The following ULK4 variants were observed in gnomAD, a reference collection of about 807,000 sequenced individuals.
ULK4 encodes inactive serine/threonine-protein kinase ULK4.
ULK4 carries 133 observed loss-of-function variants against 160.6 expected under a neutral mutation model. The observed-to-expected ratio is 0.83, with a 90% confidence interval of 0.72 to 0.96. The LOEUF (loss-of-function observed/expected upper bound fraction) is 0.96, where lower values mean the gene tolerates loss of function less well. Among genes scored for constraint, ULK4 ranks in the 40% least tolerant of loss-of-function variants. The pLI, the probability that ULK4 is intolerant of heterozygous loss-of-function variation, is 0.00. For missense variants in ULK4, 1,580 were observed against 1,499.5 expected (o/e 1.05, Z -0.89); for synonymous variants, 534 against 539.8 (o/e 0.99, Z 0.15).
At chr3:41,712,781 A>G (rs556538854) in intron 25 of ULK4, among the ~76,000 whole-genome samples, 1 of 152,290 alleles carries the variant, frequency 6.6e-6, no homozygotes, top group African/African-American at 2.4e-5. Context: ...AGTTCCAGCT[A>G]CATCTGAGGC....
At chr3:41,931,812 T>A in intron 5 of ULK4, 32 bp downstream of exon 5, 1 of 1,611,772 alleles carries the variant, frequency 6.2e-7, no homozygotes, top group Non-Finnish European at 8.5e-7. Flanking sequence ...ACAACTAGAG[T>A]TATGATCTTT....
At position 41,496,070 on chromosome 3, in the gene ULK4, G is replaced by GT. The variant is rs2084977363; in HGVS notation, c.3227-32818dup. 4.6e-5 allele frequency among the ~76,000 whole-genome samples: 7 copies of GT among 151,924 alleles called. No homozygotes were observed. The South Asian group carries it at 1.2e-3, about 27-fold the overall frequency. On this transcript the variant is annotated intron_variant, in intron 32 of 36. Coordinates refer to ENST00000301831, the MANE Select transcript of ULK4 (RefSeq NM_017886.4). Reference sequence around the variant, plus strand: ...AACAATAAAGTAGTATTTGTAAAACGTATCAAATTTGTAAACATATTAAAT... The same window carrying GT: ...AACAATAAAGTAGTATTTGTAAAACGTTATCAAATTTGTAAACATATTAAAT...
chr3:41,605,578 A>G (rs79444942), intron 31 of ULK4, among the ~76,000 whole-genome samples: 82 of 152,138 alleles, frequency 5.4e-4, no homozygotes, highest in African/African-American at 1.9e-3. Flanking sequence ...TAATTTTTAC[A>G]TGGAATAACA....
At chr3:41,521,268 C>T (rs888745366) in intron 32 of ULK4, among the ~76,000 whole-genome samples, 6 of 152,144 alleles carry the variant, frequency 3.9e-5, no homozygotes, top group African/African-American at 9.7e-5. Flanking sequence ...AGTAGGTTCC[C>T]GGTCCTTCTG....
intron 30 of ULK4, among the ~76,000 whole-genome samples, chr3:41,641,488 G>T (rs1258762611): frequency 6.6e-6 from 1 of 152,156 alleles, no homozygotes; most frequent in African/African-American, 2.4e-5. Context: ...CTTGAGCCCA[G>T]GAGTTCAAGA....
chr3:41,542,825 T>C (rs1356733150), intron 32 of ULK4, among the ~76,000 whole-genome samples: 1 of 152,150 alleles, frequency 6.6e-6, no homozygotes, highest in Admixed American at 6.5e-5. Context: ...TTTCTAGTAT[T>C]CTCTGATAGT....
intron 6 of ULK4, 97 bp from the exon 7 acceptor site, chr3:41,918,637 T>C (rs1275350758): frequency 4.6e-6 from 3 of 655,296 alleles, no homozygotes; most frequent in East Asian, 4.0e-5. Context: ...AGTCTTGCTC[T>C]GTCACCCAGG....
intron 17 of ULK4, among the ~76,000 whole-genome samples, chr3:41,839,623 AC>A (rs1034732277): frequency 1.4e-4 from 21 of 152,000 alleles, no homozygotes; most frequent in African/African-American, 5.1e-4. Context: ...ACTAACTATC[AC>A]AACTCACCCA....
intron 32 of ULK4, among the ~76,000 whole-genome samples, chr3:41,548,188 A>G (rs775651110): frequency 5.3e-5 from 8 of 152,146 alleles, no homozygotes; most frequent in Admixed American, 3.3e-4. Flanking sequence ...CACCATTAGA[A>G]AGTCTGAGGA....
chr3:41,743,134 A>G (rs553633255), intron 22 of ULK4, among the ~76,000 whole-genome samples: 45 of 152,012 alleles, frequency 3.0e-4, no homozygotes, highest in African/African-American at 1.0e-3. Flanking sequence ...ATCAAACTCC[A>G]AATAGGATTA....
At chr3:41,321,969 T>C (rs1205032585) in intron 35 of ULK4, among the ~76,000 whole-genome samples, 1 of 144,696 alleles carries the variant, frequency 6.9e-6, no homozygotes, top group Non-Finnish European at 1.5e-5. Context: ...CAAGTCATCC[T>C]CTTGGCCCTC....
intron 35 of ULK4, among the ~76,000 whole-genome samples, chr3:41,330,247 C>CT (rs1333385084): frequency 6.6e-6 from 1 of 152,206 alleles, no homozygotes; most frequent in Admixed American, 6.5e-5. Flanking sequence ...CTCTCCCAAG[C>CT]TTCTGGAGTC....
chr3:41,808,213 T>C (rs2040711065), intron 19 of ULK4, among the ~76,000 whole-genome samples: 1 of 152,202 alleles, frequency 6.6e-6, no homozygotes. Flanking sequence ...CTTTGTCTTA[T>C]TTCTTATGAA....
chr3:41,695,563 T>G (rs1293930030), intron 27 of ULK4, among the ~76,000 whole-genome samples: 1 of 152,152 alleles, frequency 6.6e-6, no homozygotes, highest in Non-Finnish European at 1.5e-5. Context: ...AGGCTTACAC[T>G]AGCCAAATCT....
rs577241627 is a variant in ULK4 at position 41,706,313 on chromosome 3, G to A, written c.2635-1008C>T. On this transcript the variant is annotated intron_variant, in intron 25 of 36. Transcript: ENST00000301831. The stretch of plus-strand genomic sequence containing the variant: ...CACCCATGTTACTGACAGCAAGAAC[G>A]CTGCAACGGAGTTCTTGCCACTAAT... 1.1e-4 allele frequency among the ~76,000 whole-genome samples: 16 copies of A among 148,594 alleles called. No homozygotes were observed. The East Asian group carries it at 1.2e-3, about 11-fold the overall frequency.
In ULK4 at chr3:41,744,704, AAAC is replaced by A. The variant is rs1322809305; in HGVS notation, c.2321+9654_2321+9656del. Among the ~76,000 whole-genome samples, 17 of 151,992 alleles carry A rather than the reference AAAC, an allele frequency of 1.1e-4. 1 individual carries two copies. The South Asian group carries it at 2.9e-3, about 26-fold the overall frequency. On this transcript the variant is annotated intron_variant, in intron 22 of 36. Transcript: ENST00000301831. ...TAGAGAATATCTAAACAACGCAATGAAACAACAAAATCTAATTGACATATAAAG... is the reference window on the plus strand; with the variant it reads ...TAGAGAATATCTAAACAACGCAATGAAACAAAATCTAATTGACATATAAAG...
chr3:41,318,622 C>G (rs1346431566), intron 35 of ULK4, among the ~76,000 whole-genome samples: 1 of 152,088 alleles, frequency 6.6e-6, no homozygotes, highest in Non-Finnish European at 1.5e-5. Flanking sequence ...ATGCAGAGTG[C>G]TAGTACAAAG....
At chr3:41,300,338 A>C (rs1384930713) in intron 35 of ULK4, among the ~76,000 whole-genome samples, 1 of 152,192 alleles carries the variant, frequency 6.6e-6, no homozygotes, top group Non-Finnish European at 1.5e-5. Flanking sequence ...TAAATTGTGG[A>C]AACTGCTGGG....
Position 41,361,367 on chromosome 3 carries a change from G to GA in ULK4, c.3678+36711dup, listed in dbSNP as rs540127228. Among the ~76,000 whole-genome samples the GA allele has an allele frequency of 4.1e-4, 63 of 152,156 alleles. 1 individual carries two copies. Among genetic ancestry groups the GA allele is most frequent in the Admixed American group, 1.6e-3 (24 of 15,276 alleles). The stretch of plus-strand genomic sequence containing the variant: ...TCCAATTTGATAAGATAAAACCCAG[G>GA]AAAAAATACACAAAATTAACAAAAA... On this transcript the variant is annotated intron_variant, in intron 35 of 36. Transcript: ENST00000301831.
Sources: gnomAD v4.1 joint callset for allele counts (sites outside exome capture counted in the v4.1 genomes callset) on GRCh38, gnomAD v4.1.1 for gene constraint, MANE v1.5 for transcripts, NCBI Gene and HGNC (gene_info 2026-07-23, HGNC 2026-07-21) for gene names.